Variants in SPATA17 observed in about 807,000 individuals in gnomAD.
The protein encoded by SPATA17 is spermatogenesis associated 17.
SPATA17 carries 53 observed loss-of-function variants against 62.2 expected under a neutral mutation model. That is an observed-to-expected ratio of 0.85 (90% CI 0.68 to 1.07). The LOEUF (loss-of-function observed/expected upper bound fraction) is 1.07, where lower values mean the gene tolerates loss of function less well. Among genes scored for constraint, SPATA17 ranks in the 50% least tolerant of loss-of-function variants. The pLI is 0.00. For missense variants in SPATA17, 466 were observed against 425.5 expected, an observed-to-expected ratio of 1.10 and a Z score of -0.84; for synonymous variants, 146 against 146.8, an observed-to-expected ratio of 0.99 and a Z score of 0.04.
chr1:217,710,519 T>A (rs1011120543), intron 5 of SPATA17, among the ~76,000 whole-genome samples: 1 of 152,152 alleles, frequency 6.6e-6, no homozygotes, highest in African/African-American at 2.4e-5. Context: ...AATGTAAATT[T>A]GTTATTCATC....
intron 1 of SPATA17, among the ~76,000 whole-genome samples, chr1:217,635,134 A>G (rs1669907873): frequency 6.6e-6 from 1 of 152,186 alleles, no homozygotes; most frequent in African/African-American, 2.4e-5. Context: ...TCTAATAGGA[A>G]TAAGTTAGAA....
At chr1:217,812,677 A>G (rs1674620313) in intron 9 of SPATA17, among the ~76,000 whole-genome samples, 1 of 152,244 alleles carries the variant, frequency 6.6e-6, no homozygotes, top group Admixed American at 6.5e-5. Flanking sequence ...TCTACCCGTC[A>G]GTCATTATTA....
At chr1:217,794,167 T>A in intron 8 of SPATA17, among the ~76,000 whole-genome samples, 1 of 151,274 alleles carries the variant, frequency 6.6e-6, no homozygotes, top group Non-Finnish European at 1.5e-5. Flanking sequence ...AAAAAGGATA[T>A]CTAGGATTTG....
Position 217,738,438 on chromosome 1 carries a change from T to C in SPATA17, c.396-3537T>C, listed in dbSNP as rs569647862. On this transcript the variant is annotated intron_variant, in intron 5 of 10. Transcript: ENST00000366933. ...AGCCTAATACTTGGCTCATAGTAAA[T>C]GTTCAATAAATAGCTAACACTTACA... Among the ~76,000 whole-genome samples, 4 of 152,324 alleles carry C rather than the reference T, an allele frequency of 2.6e-5. No individual in the cohort carries two copies. In the South Asian group the frequency reaches 6.2e-4, roughly 24 times the overall value.
intron 9 of SPATA17, among the ~76,000 whole-genome samples, chr1:217,856,033 G>A (rs1209578415): frequency 6.6e-6 from 1 of 151,880 alleles, no homozygotes; most frequent in African/African-American, 2.4e-5. Flanking sequence ...CCGACAGATG[G>A]AACTATTAAG....
chr1:217,777,336 G>A (rs995632307), intron 7 of SPATA17, among the ~76,000 whole-genome samples: 64 of 152,172 alleles, frequency 4.2e-4, no homozygotes, highest in African/African-American at 1.5e-3. Flanking sequence ...TCTATAGTCA[G>A]TTTCCCCCTT....
At position 217,811,122 on chromosome 1, in the gene SPATA17, C is replaced by T. The variant is rs185858091; in HGVS notation, c.1005+9272C>T. ...AATCTCAGCTCACTGCAACCTCTGC[C>T]TCCCAAGCTCAAGTGATTCTCATAC... On this transcript the variant is annotated intron_variant, in intron 9 of 10. Coordinates refer to ENST00000366933, the MANE Select transcript of SPATA17 (RefSeq NM_138796.4). 2.2e-3 allele frequency among the ~76,000 whole-genome samples: 336 copies of T among 152,238 alleles called. 2 individuals are homozygous for T. The highest frequency in any genetic ancestry group is 6.7e-3 in the African/African-American group (277 of 41,544).
intron 9 of SPATA17, among the ~76,000 whole-genome samples, chr1:217,819,566 T>C (rs1355954332): frequency 6.6e-6 from 1 of 152,010 alleles, no homozygotes; most frequent in African/African-American, 2.4e-5. Flanking sequence ...GAGGTTATTT[T>C]ATCAGTGTTC....
intron 4 of SPATA17, among the ~76,000 whole-genome samples, chr1:217,677,559 A>G (rs1169879617): frequency 1.4e-4 from 22 of 152,206 alleles, no homozygotes; most frequent in Non-Finnish European, 1.2e-4. Flanking sequence ...AATGAATAAC[A>G]GTTTTATTCA....
chr1:217,850,405 C>A, intron 9 of SPATA17: 1 of 1,158,222 alleles, frequency 8.6e-7, no homozygotes, highest in South Asian at 1.3e-5. Context: ...GAAGAACTAA[C>A]AGCCACATCT....
intron 3 of SPATA17, among the ~76,000 whole-genome samples, chr1:217,659,320 G>A (rs1670515766): frequency 6.6e-6 from 1 of 151,904 alleles, no homozygotes; most frequent in Admixed American, 6.6e-5. Context: ...AAACATGAAT[G>A]AAATTTTGAA....
At chr1:217,810,941 G>A (rs1431426587) in intron 9 of SPATA17, among the ~76,000 whole-genome samples, 17 of 152,014 alleles carry the variant, frequency 1.1e-4, no homozygotes, top group Admixed American at 1.1e-3. Context: ...GACACATGGG[G>A]ATTAAAATTT....
intron 5 of SPATA17, among the ~76,000 whole-genome samples, chr1:217,726,685 C>T (rs923170827): frequency 3.3e-5 from 5 of 149,698 alleles, no homozygotes; most frequent in African/African-American, 9.8e-5. Flanking sequence ...TGTTTTCATG[C>T]GTATTTCCCT....
At chr1:217,720,909 T>C (rs1228925347) in intron 5 of SPATA17, among the ~76,000 whole-genome samples, 1 of 152,170 alleles carries the variant, frequency 6.6e-6, no homozygotes, top group African/African-American at 2.4e-5. Context: ...TTCTGTGAGA[T>C]ATTTTGGGCC....
chr1:217,831,359 C>T (rs985159160), intron 9 of SPATA17, among the ~76,000 whole-genome samples: 1 of 152,026 alleles, frequency 6.6e-6, no homozygotes, highest in African/African-American at 2.4e-5. Context: ...GAGACGTTCA[C>T]TCTTAATATG....
intron 9 of SPATA17, among the ~76,000 whole-genome samples, chr1:217,837,199 A>G (rs966397714): frequency 2.0e-5 from 3 of 152,108 alleles, no homozygotes; most frequent in Admixed American, 6.6e-5. Context: ...AGATTTGGGG[A>G]AGAAGCAAAT....
intron 3 of SPATA17, among the ~76,000 whole-genome samples, chr1:217,664,009 G>T (rs1380428091): frequency 6.6e-6 from 1 of 151,992 alleles, no homozygotes; most frequent in Non-Finnish European, 1.5e-5. Context: ...TTTAGAGTGG[G>T]TGAAACAGTC....
Position 217,739,809 on chromosome 1 carries a change from T to C in SPATA17, c.396-2166T>C, listed in dbSNP as rs191615507. 1.9e-3 allele frequency among the ~76,000 whole-genome samples: 284 copies of C among 152,244 alleles called. 1 individual carries two copies. Among genetic ancestry groups the C allele is most frequent in the African/African-American group, 6.4e-3 (266 of 41,568 alleles). ...AAATATTACTGTCTTGTTCAGTATA[T>C]CCACACACACTCAAATATTACAAGA... On this transcript the variant is annotated intron_variant, in intron 5 of 10. Transcript: ENST00000366933.
At chr1:217,783,120 A>T (rs2102977439) in intron 8 of SPATA17, among the ~76,000 whole-genome samples, 1 of 150,808 alleles carries the variant, frequency 6.6e-6, no homozygotes, top group African/African-American at 2.4e-5. Context: ...ACAAAATATA[A>T]AATTATAATC....
Sources: allele counts gnomAD v4.1 joint callset (sites outside exome capture counted in the v4.1 genomes callset), GRCh38; gene constraint gnomAD v4.1.1; transcripts MANE v1.5; gene names NCBI Gene and HGNC (gene_info 2026-07-23, HGNC 2026-07-21).